HK1: variants seen among roughly 807,000 people sequenced by gnomAD.
The protein encoded by HK1 is hexokinase 1.
In HK1, 28 loss-of-function variants were observed where a neutral mutation model predicts 91.6. The observed-to-expected ratio is 0.31, with a 90% CI of 0.23 to 0.42. HK1 has a LOEUF of 0.42. Among genes scored for constraint, HK1 ranks in the 10% least tolerant of loss-of-function variants. HK1 has a pLI of 1.00. For synonymous variants in HK1, 430 were observed against 468.1 expected (o/e 0.92, Z 1.05); for missense variants, 770 against 1,219.8 (o/e 0.63, Z 5.49).
chr10:69,368,573 G>A lies in HK1; in HGVS notation c.533G>A (p.Ser178Asn). The A allele has an allele frequency of 1.2e-6, 2 of 1,614,262 alleles. No individual in the cohort carries two copies. Among genetic ancestry groups the A allele is most frequent in the Non-Finnish European group, 1.7e-6 (2 of 1,180,046 alleles). ...LITWTKRFKA[S>N]GVEGADVVKL... ...ACCTGGACAAAGCGATTTAAAGCGA[G>A]CGGAGTGGAAGGAGCAGATGTGGTC... Residue 178 changes from serine to asparagine, a missense_variant, in exon 5 of 18, where the codon AGC becomes AAC. Physicochemically the swap from Ser to Asn is conservative, Grantham distance 46 (BLOSUM62 1). Transcript: ENST00000359426.
chr10:69,374,106 C>T lies in HK1; in HGVS notation c.876-2828C>T, dbSNP rs373651258. Among the ~76,000 whole-genome samples the T allele has an allele frequency of 3.9e-5, 6 of 152,288 alleles. No homozygotes were observed. In the East Asian group the frequency reaches 5.8e-4, roughly 15 times the overall value. On this transcript the variant is annotated intron_variant, in intron 7 of 17. Transcript: ENST00000359426. ...CCTGGATGGTGGTTGAGTAACTGTG[C>T]GCCTTCAAGTCAGCACCCAGATGCC...
intron 1 of HK1, among the ~76,000 whole-genome samples, chr10:69,281,892 G>A (rs950340878): frequency 3.9e-5 from 6 of 152,306 alleles, no homozygotes; most frequent in African/African-American, 1.4e-4. Flanking sequence ...TCTCTCTGGT[G>A]CCAACCAGAG....
At chr10:69,300,561 T>C (rs1255196885) in intron 4 of HK1, 1 of 699,914 alleles carries the variant, frequency 1.4e-6, no homozygotes, top group East Asian at 2.6e-5. Flanking sequence ...TCTGCATTTC[T>C]CTAGATCTTT....
At chr10:69,298,351 G>C (rs1273462835) in intron 4 of HK1, among the ~76,000 whole-genome samples, 4 of 151,834 alleles carry the variant, frequency 2.6e-5, no homozygotes, top group Admixed American at 2.0e-4. Context: ...GGTTGAGACA[G>C]GTGTAGTGAC....
At chr10:69,340,166 G>C (rs1234464576) in intron 1 of HK1, among the ~76,000 whole-genome samples, 1 of 152,212 alleles carries the variant, frequency 6.6e-6, no homozygotes, top group Non-Finnish European at 1.5e-5. Flanking sequence ...TTGGTAAAAG[G>C]ATAATCATGA....
rs971130529 is a variant in HK1 at position 69,386,251 on chromosome 10, A to AGGGTTG, written c.1840-70_1840-65dup. The AGGGTTG allele has an allele frequency of 1.5e-5, 18 of 1,188,138 alleles. No homozygotes were observed. In the African/African-American group the frequency reaches 2.3e-4, roughly 15 times the overall value. 73.6% of individuals were successfully genotyped at this position (1,188,138 alleles called of 1,614,324 possible). A position where few individuals can be genotyped will look rare whatever the true frequency, so the allele number is the denominator to read the frequency against. ...CTCAGCAGTTGTTGACTCAGGAGGG[A>AGGGTTG]GGGTTGGAATTTTGTGTTCTCCCCT... On this transcript the variant is annotated intron_variant, in intron 12 of 17. Transcript: ENST00000359426.
In HK1 at chr10:69,276,118, A is replaced by AAAAATATATATATATATATATATATAT; in HGVS notation, c.-391+6011_-391+6012insAAATATATATATATATATATATATATA. 5.2e-5 allele frequency among the ~76,000 whole-genome samples: 2 copies of AAAAATATATATATATATATATATATAT among 38,262 alleles called. 1 individual carries two copies. Among genetic ancestry groups the AAAAATATATATATATATATATATATAT allele is most frequent in the Non-Finnish European group, 1.0e-4 (2 of 19,638 alleles). 25.1% of individuals were successfully genotyped at this position (38,262 alleles called of 152,430 possible). On this transcript the variant is annotated intron_variant, in intron 1 of 21. Coordinates refer to the HK1 transcript ENST00000360289. ...AAAAAAAAAAAAAAAAAAAAAAAAA[A>AAAAATATATATATATATATATATATAT]ATACATATATATATATATATACACA...
At chr10:69,344,110 C>CCCAT (rs149581082) in intron 2 of HK1, 121 bp downstream of exon 2, 32,594 of 983,754 alleles carry the variant, frequency 0.033, 876 homozygotes, top group African/African-American at 0.096. Flanking sequence ...AATCTGCTCT[C>CCCAT]CCATCCATCC....
rs765203970 is a variant in HK1 at position 69,382,580 on chromosome 10, T to A, written c.1359T>A (p.Ala453=). ...LLSESGSGKG[A]AMVTAVAYRL... is the part of the protein sequence containing the mutation. Reference sequence around the variant, plus strand: ...CGGAGAGTGGCAGCGGCAAGGGGGCTGCCATGGTGACGGCGGTGGCCTACC... The same window carrying A: ...CGGAGAGTGGCAGCGGCAAGGGGGCAGCCATGGTGACGGCGGTGGCCTACC... The change falls in exon 10 of 18, where the codon GCT becomes GCA. Residue 453 remains alanine (A), a synonymous_variant. Transcript: ENST00000359426. 8 of 1,614,198 alleles carry A rather than the reference T, an allele frequency of 5.0e-6. No homozygotes were observed. Among genetic ancestry groups the A allele is most frequent in the Admixed American group, 1.7e-5 (1 of 60,010 alleles).
At chr10:69,396,474 T>G (rs750056426) in intron 16 of HK1, among the ~76,000 whole-genome samples, 1 of 152,042 alleles carries the variant, frequency 6.6e-6, no homozygotes, top group Non-Finnish European at 1.5e-5. Context: ...GCTGAAACTC[T>G]GTACGCAGCA....
intron 7 of HK1, among the ~76,000 whole-genome samples, chr10:69,371,368 A>G (rs1423746095): frequency 7.8e-6 from 1 of 128,470 alleles, no homozygotes; most frequent in Admixed American, 1.0e-4. Flanking sequence ...ACATGAACTT[A>G]TTACTGTGCC....
intron 12 of HK1, among the ~76,000 whole-genome samples, chr10:69,385,687 T>C (rs983940056): frequency 1.5e-4 from 23 of 152,186 alleles, no homozygotes; most frequent in African/African-American, 5.3e-4. Flanking sequence ...CTAGGAGAGT[T>C]AGGTAGGGTC....
intron 1 of HK1, among the ~76,000 whole-genome samples, chr10:69,330,620 G>T (rs748923162): frequency 2.0e-5 from 3 of 151,988 alleles, no homozygotes; most frequent in South Asian, 2.1e-4. Flanking sequence ...AAGCAGGAAG[G>T]TCTCTCACCT....
intron 16 of HK1, among the ~76,000 whole-genome samples, chr10:69,395,313 C>A (rs373055116): frequency 5.4e-4 from 82 of 152,270 alleles, no homozygotes; most frequent in African/African-American, 1.9e-3. Flanking sequence ...TGTGGTGGCT[C>A]ATGCCTGTAA....
At chr10:69,396,395 A>T (rs1224016449) in intron 16 of HK1, among the ~76,000 whole-genome samples, 2 of 152,048 alleles carry the variant, frequency 1.3e-5, no homozygotes, top group African/African-American at 4.8e-5. Context: ...GTTCGGTGAC[A>T]TTAAGTACAT....
chr10:69,306,348 ACT>A (rs1402353200), intron 5 of HK1, among the ~76,000 whole-genome samples: 1 of 151,762 alleles, frequency 6.6e-6, no homozygotes, highest in Non-Finnish European at 1.5e-5. Context: ...ACAGAGTGAG[ACT>A]CTGTCTCAAA....
Position 69,376,473 on chromosome 10 carries a change from TA to T in HK1, c.876-460del, listed in dbSNP as rs532909241. Among the ~76,000 whole-genome samples the T allele has an allele frequency of 1.6e-3, 249 of 152,280 alleles. 10 individuals are homozygous for T. In the South Asian group the frequency reaches 0.051, roughly 31 times the overall value. Reference sequence around the variant, plus strand: ...GAGTCGAGATTGTGTCACTGCGCTCTAGCCTGGGCGACAGTGAGACCCTGTC... The same window carrying T: ...GAGTCGAGATTGTGTCACTGCGCTCTGCCTGGGCGACAGTGAGACCCTGTC... On this transcript the variant is annotated intron_variant, in intron 7 of 17. Transcript: ENST00000359426.
At chr10:69,333,989 T>C (rs2132640086) in intron 1 of HK1, among the ~76,000 whole-genome samples, 1 of 152,268 alleles carries the variant, frequency 6.6e-6, no homozygotes, top group South Asian at 2.1e-4. Flanking sequence ...TGTGCGCCTG[T>C]AGTCCCAGCT....
Position 69,382,782 on chromosome 10 carries a change from G to A in HK1, c.1561G>A (p.Asp521Asn), listed in dbSNP as rs762992945. 8.7e-6 allele frequency: 14 copies of A among 1,611,092 alleles called. No individual in the cohort carries two copies. Among genetic ancestry groups the A allele is most frequent in the East Asian group, 4.5e-5 (2 of 44,776 alleles). ...MLPSFVRRTP[D>N]GTENGDFLAL... ...GCCCTCCTTCGTCCGGAGAACTCCC[G>A]ACGGGACCGGTGAGGGCCTGCTGGG... Residue 521 changes from aspartate (D) to asparagine (N), a missense_variant, in exon 10 of 18, where the codon GAC becomes AAC. Physicochemically the swap from Asp to Asn is conservative, Grantham distance 23. Around this residue, in one of 7 missense-constraint regions of HK1, gnomAD observed 48 missense variants for 128.2 expected, o/e 0.37. Transcript: ENST00000359426.
Sources: gnomAD v4.1 joint callset for allele counts (sites outside exome capture counted in the v4.1 genomes callset) on GRCh38, gnomAD v4.1.1 for gene constraint, gnomAD v4.1.1 regional missense constraint, MANE v1.5 for transcripts, NCBI Gene and HGNC (gene_info 2026-07-23, HGNC 2026-07-21) for gene names.